Variants in KHDRBS2 observed in about 807,000 individuals in gnomAD.
KHDRBS2 encodes KH RNA binding domain containing, signal transduction associated 2.
KHDRBS2 carries 26 observed loss-of-function variants against 44.3 expected under a neutral mutation model. The observed-to-expected ratio is 0.59, with a 90% CI of 0.43 to 0.81. The LOEUF (loss-of-function observed/expected upper bound fraction) is 0.81, where lower values mean the gene tolerates loss of function less well. KHDRBS2 is among the 40% of genes least tolerant of loss of function. KHDRBS2 has a pLI of 0.00. For synonymous variants in KHDRBS2, 194 were observed against 151.1 expected (o/e 1.28, Z -2.08); for missense variants, 476 against 433.1 (o/e 1.10, Z -0.88).
chr6:62,237,422 AG>A (rs1438719119), intron 1 of KHDRBS2, among the ~76,000 whole-genome samples: 1 of 152,172 alleles, frequency 6.6e-6, no homozygotes, highest in Admixed American at 6.5e-5. Context: ...CACCTACTCA[AG>A]GTCCTAATCC....
At chr6:61,764,307 C>T (rs550468183) in intron 6 of KHDRBS2, among the ~76,000 whole-genome samples, 1 of 152,182 alleles carries the variant, frequency 6.6e-6, no homozygotes, top group African/African-American at 2.4e-5. Context: ...ATATATGCAA[C>T]TTTATAATAG....
intron 3 of KHDRBS2, among the ~76,000 whole-genome samples, chr6:61,987,274 A>G (rs1163366054): frequency 1.3e-5 from 2 of 152,228 alleles, no homozygotes; most frequent in Admixed American, 6.5e-5. Flanking sequence ...TTTTAATACA[A>G]TATGCTAAAT....
At chr6:61,865,139 T>G (rs1385411121) in intron 6 of KHDRBS2, among the ~76,000 whole-genome samples, 3 of 152,204 alleles carry the variant, frequency 2.0e-5, no homozygotes, top group Non-Finnish European at 4.4e-5. Flanking sequence ...TGTTCCTCTT[T>G]ATACTCACTG....
chr6:61,911,404 G>C (rs927424090), intron 4 of KHDRBS2, among the ~76,000 whole-genome samples: 7 of 151,954 alleles, frequency 4.6e-5, no homozygotes, highest in Non-Finnish European at 8.8e-5. Context: ...TAGATGACTA[G>C]ATCCCTACAC....
At chr6:61,959,868 T>A (rs1484589596) in intron 4 of KHDRBS2, among the ~76,000 whole-genome samples, 1 of 152,202 alleles carries the variant, frequency 6.6e-6, no homozygotes, top group African/African-American at 2.4e-5. Context: ...TTAGAAATTC[T>A]TGGCTCCCTG....
chr6:62,107,982 A>AT (rs565727340), intron 2 of KHDRBS2, among the ~76,000 whole-genome samples: 135 of 152,306 alleles, frequency 8.9e-4, no homozygotes, highest in Middle Eastern at 3.4e-3. Context: ...ACCTAAAACC[A>AT]TAAAAACCCT....
intron 6 of KHDRBS2, among the ~76,000 whole-genome samples, chr6:61,890,925 CAAGTAG>C (rs544451733): frequency 3.8e-4 from 58 of 152,192 alleles, no homozygotes; most frequent in African/African-American, 1.3e-3. Flanking sequence ...TTCACCTGTT[CAAGTAG>C]AAGTGGATTT....
At chr6:62,258,353 GCTA>G (rs1293287938) in intron 1 of KHDRBS2, among the ~76,000 whole-genome samples, 3 of 152,024 alleles carry the variant, frequency 2.0e-5, no homozygotes, top group Non-Finnish European at 4.4e-5. Flanking sequence ...TTCTGGTGAT[GCTA>G]CTGTGTTGCT....
chr6:61,591,758 C>T, the KHDRBS2 span, among the ~76,000 whole-genome samples: 1 of 152,134 alleles, frequency 6.6e-6, no homozygotes, highest in Admixed American at 6.5e-5. Context: ...CCAAATTTAC[C>T]ACAGCCCTGC....
intron 2 of KHDRBS2, among the ~76,000 whole-genome samples, chr6:62,053,642 T>A (rs1353804467): frequency 2.0e-5 from 3 of 152,016 alleles, no homozygotes; most frequent in African/African-American, 4.8e-5. Flanking sequence ...AGAAGGCTTC[T>A]ATTCAAAATT....
At chr6:61,982,120 C>T (rs777331335) in intron 3 of KHDRBS2, among the ~76,000 whole-genome samples, 1 of 152,116 alleles carries the variant, frequency 6.6e-6, no homozygotes, top group South Asian at 2.1e-4. Context: ...GAAGCAAATG[C>T]TCCACTCAGA....
intron 6 of KHDRBS2, among the ~76,000 whole-genome samples, chr6:61,888,371 G>C (rs935530989): frequency 6.6e-6 from 1 of 152,176 alleles, no homozygotes; most frequent in Non-Finnish European, 1.5e-5. Flanking sequence ...TGAGAGGCTA[G>C]TATCTGTTGG....
chr6:61,828,473 G>A (rs1312261201), intron 6 of KHDRBS2, among the ~76,000 whole-genome samples: 3 of 152,072 alleles, frequency 2.0e-5, no homozygotes, highest in Non-Finnish European at 4.4e-5. Flanking sequence ...TTCTTTGTAT[G>A]GTTAATTTTT....
At chr6:62,071,752 T>G (rs1457253498) in intron 2 of KHDRBS2, among the ~76,000 whole-genome samples, 5 of 152,210 alleles carry the variant, frequency 3.3e-5, no homozygotes, top group Admixed American at 3.3e-4. Flanking sequence ...AGCCTTGTAG[T>G]ATAGTTTGAA....
At chr6:61,557,792 T>A in the KHDRBS2 span, among the ~76,000 whole-genome samples, 631 of 152,290 alleles carry the variant, frequency 4.1e-3, 2 homozygotes, top group African/African-American at 0.015. Context: ...GCAGAGAGAC[T>A]TTTTATTACA....
intron 8 of KHDRBS2, among the ~76,000 whole-genome samples, chr6:61,695,765 T>C (rs959311695): frequency 3.9e-5 from 6 of 152,154 alleles, no homozygotes; most frequent in African/African-American, 1.4e-4. Context: ...GGCTTATTTT[T>C]CTCCTCCTAT....
At chr6:61,822,667 C>T (rs1326257352) in intron 6 of KHDRBS2, among the ~76,000 whole-genome samples, 1 of 151,948 alleles carries the variant, frequency 6.6e-6, no homozygotes, top group Non-Finnish European at 1.5e-5. Context: ...GCTTAACTCT[C>T]CAGCTAACCT....
chr6:61,635,806 G>A, the KHDRBS2 span, among the ~76,000 whole-genome samples: 2 of 151,834 alleles, frequency 1.3e-5, no homozygotes, highest in African/African-American at 4.8e-5. Flanking sequence ...ATAGTTTCTA[G>A]GTCACTGGAG....
chr6:62,018,689 A>G (rs1562653317), intron 3 of KHDRBS2, among the ~76,000 whole-genome samples: 1 of 152,130 alleles, frequency 6.6e-6, no homozygotes, highest in Non-Finnish European at 1.5e-5. Context: ...CAGGATACCA[A>G]CAGAAGACTC....
Sources: gnomAD v4.1 joint callset for allele counts (sites outside exome capture counted in the v4.1 genomes callset) on GRCh38, gnomAD v4.1.1 for gene constraint, MANE v1.5 for transcripts, NCBI Gene and HGNC (gene_info 2026-07-23, HGNC 2026-07-21) for gene names.